MAK: variants seen among roughly 807,000 people sequenced by gnomAD.
The protein encoded by MAK is male germ cell associated kinase, also known as serine/threonine-protein kinase MAK.
Under a neutral mutation model 82.6 loss-of-function variants are expected in MAK, and 65 were observed. That is an observed-to-expected ratio of 0.79 (90% CI 0.64 to 0.97). The LOEUF is 0.97. Among genes scored for constraint, MAK ranks in the 50% least tolerant of loss-of-function variants. The pLI, the probability that MAK is intolerant of heterozygous loss-of-function variation, is 0.00. For synonymous variants in MAK, 250 were observed against 274.2 expected, an observed-to-expected ratio of 0.91 and a Z score of 0.87; for missense variants, 703 against 780.2, an observed-to-expected ratio of 0.90 and a Z score of 1.18.
At chr6:10,795,422 A>AC in intron 9 of MAK, among the ~76,000 whole-genome samples, 1 of 151,968 alleles carries the variant, frequency 6.6e-6, no homozygotes, top group African/African-American at 2.4e-5. Context: ...AGCCTGGGCA[A>AC]ATAGAGTGAA....
intron 10 of MAK, chr6:10,784,827 T>A (rs763916092): frequency 1.6e-6 from 1 of 625,172 alleles, no homozygotes; most frequent in South Asian, 1.5e-5. Flanking sequence ...TACTTGTGTG[T>A]AACATGTTTC....
Position 10,812,149 on chromosome 6 carries a change from A to T in MAK, c.358+1495T>A, listed in dbSNP as rs138870314. The stretch of plus-strand genomic sequence containing the variant: ...CAGGAAGTGGAGGCTGCAGTGAGCC[A>T]TGATGGCACCACTGCACTCCAGCCT... On this transcript the variant is annotated intron_variant, in intron 5 of 14. Transcript: ENST00000354489. 8.0e-3 allele frequency among the ~76,000 whole-genome samples: 1,223 copies of T among 152,258 alleles called. 19 individuals carry two copies. Among genetic ancestry groups the T allele is most frequent in the African/African-American group, 0.027 (1,127 of 41,572 alleles).
intron 14 of MAK, among the ~76,000 whole-genome samples, chr6:10,769,056 TTTTTTTAATTA>T (rs1243954726): frequency 6.6e-6 from 1 of 152,032 alleles, no homozygotes; most frequent in Non-Finnish European, 1.5e-5. Flanking sequence ...CAAAAAACAT[TTTTTTTAATTA>T]GCTGGGCACG....
At chr6:10,815,440 T>C (rs1330851297) in intron 4 of MAK, among the ~76,000 whole-genome samples, 1 of 151,878 alleles carries the variant, frequency 6.6e-6, no homozygotes, top group Admixed American at 6.6e-5. Context: ...CTGGGAAACA[T>C]GGTGAGACCC....
At chr6:10,789,431 C>G (rs991093463) in intron 10 of MAK, among the ~76,000 whole-genome samples, 1 of 152,112 alleles carries the variant, frequency 6.6e-6, no homozygotes, top group Non-Finnish European at 1.5e-5. Flanking sequence ...CAGTAGCCCC[C>G]ATTACGTGTG....
intron 1 of MAK, among the ~76,000 whole-genome samples, chr6:10,834,368 TG>T (rs201756131): frequency 0.01 from 1,558 of 152,300 alleles, 14 homozygotes; most frequent in South Asian, 0.016. Flanking sequence ...GAATCAACGA[TG>T]GAGTCAATCC....
chr6:10,799,613 A>C (rs1229971071), intron 8 of MAK, among the ~76,000 whole-genome samples: 2 of 152,198 alleles, frequency 1.3e-5, no homozygotes, highest in Non-Finnish European at 2.9e-5. Flanking sequence ...CTTTCAAAAA[A>C]TTTTAAAAAA....
At chr6:10,799,572 A>T (rs190038464) in intron 8 of MAK, among the ~76,000 whole-genome samples, 1 of 152,202 alleles carries the variant, frequency 6.6e-6, no homozygotes, top group Admixed American at 6.5e-5. Flanking sequence ...TCAGGACAAC[A>T]TAGTAAGACC....
Position 10,763,804 on chromosome 6 carries a change from T to C in MAK, c.*648A>G, listed in dbSNP as rs1322515305. 1 of 146,140 alleles carries C rather than the reference T, an allele frequency of 6.8e-6. No individual in the cohort carries two copies. Among genetic ancestry groups the C allele is most frequent in the Non-Finnish European group, 1.5e-5 (1 of 67,346 alleles). The allele number at this position is 146,140 out of a possible 1,614,324, so 9.1% of individuals were successfully genotyped here. ...AGGTGGAGGTTGCAGTAAGCCAAGA[T>C]AGTGCCACTGCACTCCAGCCTGGAC... On this transcript the variant is annotated 3_prime_UTR_variant, in exon 15 of 15. Coordinates refer to ENST00000354489, the MANE Select transcript of MAK (RefSeq NM_001242957.3).
At chr6:10,777,935 G>T (rs1353816237) in intron 11 of MAK, among the ~76,000 whole-genome samples, 3 of 152,136 alleles carry the variant, frequency 2.0e-5, no homozygotes, top group Non-Finnish European at 4.4e-5. Context: ...ACCTCGCCTG[G>T]CCTCAAGGTC....
At chr6:10,799,814 G>C (rs745435891) in intron 8 of MAK, among the ~76,000 whole-genome samples, 2 of 152,100 alleles carry the variant, frequency 1.3e-5, no homozygotes, top group Non-Finnish European at 2.9e-5. Flanking sequence ...TAGGGAGGCC[G>C]AGGTGGGTGG....
At chr6:10,769,097 C>G (rs1290136658) in intron 14 of MAK, among the ~76,000 whole-genome samples, 1 of 152,036 alleles carries the variant, frequency 6.6e-6, no homozygotes, top group East Asian at 1.9e-4. Context: ...GCCTGTAGTC[C>G]CATCTACTCA....
chr6:10,781,360 C>G (rs1581662669), intron 11 of MAK, among the ~76,000 whole-genome samples: 1 of 151,234 alleles, frequency 6.6e-6, no homozygotes, highest in Non-Finnish European at 1.5e-5. Flanking sequence ...GTAGGTGAAA[C>G]TATAGTCAGG....
chr6:10,765,430 T>A, intron 14 of MAK, among the ~76,000 whole-genome samples: 1 of 148,422 alleles, frequency 6.7e-6, no homozygotes. Context: ...ATGTGGGTTT[T>A]AGAATGAAGA....
intron 11 of MAK, among the ~76,000 whole-genome samples, chr6:10,782,059 T>C (rs1158523519): frequency 6.6e-6 from 1 of 151,900 alleles, no homozygotes; most frequent in Non-Finnish European, 1.5e-5. Flanking sequence ...ATACAAAAAT[T>C]AGCCGGGTGT....
intron 5 of MAK, among the ~76,000 whole-genome samples, chr6:10,812,818 CA>C (rs1232914864): frequency 6.6e-6 from 1 of 151,522 alleles, no homozygotes; most frequent in Non-Finnish European, 1.5e-5. Context: ...GGCTGGAGTG[CA>C]ATGCCACAAT....
intron 6 of MAK, among the ~76,000 whole-genome samples, chr6:10,805,928 C>G (rs1249858998): frequency 2.0e-5 from 3 of 152,196 alleles, no homozygotes; most frequent in African/African-American, 7.2e-5. Context: ...AGGCTGTGGT[C>G]TGACCTCATC....
chr6:10,809,596 A>C (rs1161874651), intron 5 of MAK, among the ~76,000 whole-genome samples: 3 of 152,216 alleles, frequency 2.0e-5, no homozygotes, highest in African/African-American at 7.2e-5. Context: ...CTTGAGAAAA[A>C]TCACTTGTTT....
At chr6:10,826,968 A>G (rs538320873) in intron 2 of MAK, among the ~76,000 whole-genome samples, 1 of 152,206 alleles carries the variant, frequency 6.6e-6, no homozygotes, top group South Asian at 2.1e-4. Flanking sequence ...AAAATTAGCC[A>G]GGCGTGGTGG....
Sources: allele counts gnomAD v4.1 joint callset (sites outside exome capture counted in the v4.1 genomes callset), GRCh38; gene constraint gnomAD v4.1.1; transcripts MANE v1.5; gene names NCBI Gene and HGNC (gene_info 2026-07-23, HGNC 2026-07-21).